Variants in UAP1 observed in about 807,000 individuals in gnomAD.
The protein encoded by UAP1 is UDP-N-acetylhexosamine pyrophosphorylase.
Under a neutral mutation model 58.5 loss-of-function variants are expected in UAP1, and 25 were observed. The observed-to-expected ratio is 0.43, with a 90% CI of 0.31 to 0.60. The LOEUF (loss-of-function observed/expected upper bound fraction) is 0.60, where lower values mean the gene tolerates loss of function less well. Ranked by LOEUF, UAP1 falls within the 20% of genes least tolerant of loss-of-function variation. The pLI, the probability that UAP1 is intolerant of heterozygous loss-of-function variation, is 0.11. For synonymous variants in UAP1, 208 were observed against 213.0 expected (o/e 0.98, Z 0.21); for missense variants, 575 against 630.0 (o/e 0.91, Z 0.93).
intron 7 of UAP1, among the ~76,000 whole-genome samples, chr1:162,589,172 A>AT (rs1313654674): frequency 1.0e-5 from 1 of 98,482 alleles, no homozygotes; most frequent in Non-Finnish European, 1.9e-5. Context: ...ATAATATATA[A>AT]ATATTATATA....
chr1:162,575,712 GT>G (rs11382055), intron 2 of UAP1, among the ~76,000 whole-genome samples: 43 of 123,574 alleles, frequency 3.5e-4, no homozygotes, highest in South Asian at 2.6e-4. Context: ...TTTGTATTTT[GT>G]TTTTTTTTTT....
chr1:162,590,493 G>A (rs761717370), exon 8 of UAP1: 7 of 1,597,632 alleles, frequency 4.4e-6, no homozygotes, highest in Middle Eastern at 1.7e-4. Context: ...AATGGCTCTC[G>A]CCTTCCAGCA....
At chr1:162,596,819 A>G (rs1207825553) in intron 9 of UAP1, among the ~76,000 whole-genome samples, 1 of 152,200 alleles carries the variant, frequency 6.6e-6, no homozygotes, top group Non-Finnish European at 1.5e-5. Context: ...AGAGACTAAT[A>G]TTTTTGTGCC....
At chr1:162,581,910 A>G (rs1349585345) in intron 5 of UAP1, among the ~76,000 whole-genome samples, 1 of 152,222 alleles carries the variant, frequency 6.6e-6, no homozygotes, top group Non-Finnish European at 1.5e-5. Flanking sequence ...CAAGTTGGGC[A>G]TAAGGACAAT....
At chr1:162,594,949 A>C (rs1655532150) in intron 9 of UAP1, among the ~76,000 whole-genome samples, 1 of 152,210 alleles carries the variant, frequency 6.6e-6, no homozygotes, top group South Asian at 2.1e-4. Context: ...TGTAATTGTG[A>C]GAGATGAAAA....
chr1:162,594,687 C>G (rs1655515831), intron 9 of UAP1, among the ~76,000 whole-genome samples: 1 of 152,176 alleles, frequency 6.6e-6, no homozygotes, highest in South Asian at 2.1e-4. Context: ...TTTAACCTAA[C>G]AGTGTAATAG....
chr1:162,598,001 TTATTCGACAGTGTA>T, intron 10 of UAP1, 143 bp downstream of exon 10: 1 of 684,526 alleles, frequency 1.5e-6, no homozygotes, highest in Non-Finnish European at 2.4e-6. Context: ...CTTTATTTGA[TTATTCGACAGTGTA>T]TATATGCATT....
chr1:162,587,418 T>C, intron 5 of UAP1, 57 bp from the exon 6 acceptor site: 2 of 1,481,990 alleles, frequency 1.3e-6, no homozygotes, highest in East Asian at 4.6e-5. Flanking sequence ...CAATGGCAAA[T>C]CTCCAAAGAA....
chr1:162,581,180 A>G, intron 4 of UAP1, 107 bp from the exon 5 acceptor site: 1 of 1,286,334 alleles, frequency 7.8e-7, no homozygotes. Context: ...TGCCTTTGTA[A>G]AGCGAATTTT....
rs928037285 is a variant in UAP1, at chr1:162,566,003, C to T, written c.-57-9C>T. The T allele has an allele frequency of 1.3e-6, 2 of 1,486,730 alleles. No homozygotes were observed. Among genetic ancestry groups the T allele is most frequent in the African/African-American group, 1.4e-5 (1 of 70,870 alleles). The allele number at this position is 1,486,730 out of a possible 1,614,324, so 92.1% of individuals were successfully genotyped here. On this transcript the variant is annotated splice_polypyrimidine_tract_variant and intron_variant, in intron 1 of 10. Transcript: ENST00000271469. ...TTTTGACATGCCATTAATTACTTTTCTCTTTTAGGTTTACAGGTACATACA... is the reference window on the plus strand; with the variant it reads ...TTTTGACATGCCATTAATTACTTTTTTCTTTTAGGTTTACAGGTACATACA...
downstream of UAP1, among the ~76,000 whole-genome samples, chr1:162,601,159 A>G (rs1012631132): frequency 1.5e-4 from 23 of 152,228 alleles, no homozygotes; most frequent in Admixed American, 1.1e-3. Context: ...TTCTTGTTAA[A>G]TAATTGTTAT....
intron 4 of UAP1, among the ~76,000 whole-genome samples, chr1:162,580,831 CT>C (rs1654536576): frequency 6.6e-6 from 1 of 152,114 alleles, no homozygotes; most frequent in Non-Finnish European, 1.5e-5. Context: ...CCATATCAAT[CT>C]GTTTTTTTAA....
At chr1:162,586,745 T>G (rs61811801) in intron 5 of UAP1, among the ~76,000 whole-genome samples, 1,835 of 152,320 alleles carry the variant, frequency 0.012, 27 homozygotes, top group Middle Eastern at 0.058. Flanking sequence ...CCCTCTGATT[T>G]TAGTATACCC....
chr1:162,578,021 A>G (rs1438505562), intron 3 of UAP1, among the ~76,000 whole-genome samples: 2 of 151,894 alleles, frequency 1.3e-5, no homozygotes, highest in South Asian at 2.1e-4. Context: ...GTGAGCCACT[A>G]TGTCCAGCCA....
chr1:162,574,712 T>C (rs1021217317), intron 2 of UAP1, among the ~76,000 whole-genome samples: 2 of 152,178 alleles, frequency 1.3e-5, no homozygotes, highest in African/African-American at 2.4e-5. Context: ...CATAGCCTCT[T>C]CTCACAAGCT....
intron 8 of UAP1, among the ~76,000 whole-genome samples, chr1:162,592,282 G>C (rs1557979846): frequency 6.6e-6 from 1 of 152,112 alleles, no homozygotes; most frequent in Non-Finnish European, 1.5e-5. Flanking sequence ...CCAGCTACTT[G>C]GGTGGCTGAG....
intron 9 of UAP1, among the ~76,000 whole-genome samples, chr1:162,596,737 G>T (rs561690030): frequency 2.6e-5 from 4 of 152,170 alleles, no homozygotes; most frequent in Non-Finnish European, 4.4e-5. Flanking sequence ...GAAGCCCTCT[G>T]ATTTTTATTG....
chr1:162,590,320 T>C lies in UAP1; in HGVS notation c.1170-3T>C. 2 of 1,609,242 alleles carry C rather than the reference T, an allele frequency of 1.2e-6. No individual in the cohort carries two copies. Among genetic ancestry groups the C allele is most frequent in the Non-Finnish European group, 1.7e-6 (2 of 1,178,248 alleles). The stretch of plus-strand genomic sequence containing the variant: ...AAGAGGTCTTTATATGGTTTCGCTC[T>C]AGGAAGTTTGTGGTATATGAAGTAT... On this transcript the variant is annotated splice_polypyrimidine_tract_variant and splice_region_variant and intron_variant, in intron 7 of 10. Transcript: ENST00000271469.
At chr1:162,588,481 G>A (rs1237467394) in intron 6 of UAP1, among the ~76,000 whole-genome samples, 1 of 152,078 alleles carries the variant, frequency 6.6e-6, no homozygotes, top group African/African-American at 2.4e-5. Context: ...CACAGTTTTA[G>A]TGGAGACTGT....
Sources: gnomAD v4.1 joint callset for allele counts (sites outside exome capture counted in the v4.1 genomes callset) on GRCh38, gnomAD v4.1.1 for gene constraint, MANE v1.5 for transcripts, NCBI Gene and HGNC (gene_info 2026-07-23, HGNC 2026-07-21) for gene names.